Variants in CSMD3 observed in about 807,000 individuals in gnomAD.
CSMD3 encodes the protein CUB and Sushi multiple domains 3.
A neutral mutation model predicts 435.2 loss-of-function variants in CSMD3; 177 were observed. The ratio of observed to expected loss-of-function variants is 0.41; its 90% CI spans 0.36 to 0.46. The LOEUF is 0.46. Ranked by LOEUF, CSMD3 falls within the 20% of genes least tolerant of loss-of-function variation. CSMD3 has a pLI of 0.34. For synonymous variants in CSMD3, 1,656 were observed against 1,520.5 expected (o/e 1.09, Z -2.07); for missense variants, 4,265 against 4,504.6 (o/e 0.95, Z 1.52).
At chr8:112,935,734 T>C (rs1361178736) in intron 9 of CSMD3, among the ~76,000 whole-genome samples, 1 of 152,036 alleles carries the variant, frequency 6.6e-6, no homozygotes, top group African/African-American at 2.4e-5. Context: ...ATGGGGATTT[T>C]TTTTAAGTAT....
intron 13 of CSMD3, among the ~76,000 whole-genome samples, chr8:112,721,223 A>G (rs1413816439): frequency 6.6e-6 from 1 of 152,162 alleles, no homozygotes; most frequent in Admixed American, 6.5e-5. Flanking sequence ...TGGAAAAATC[A>G]CCATGAAAAA....
At chr8:113,218,184 T>A (rs556165390) in intron 3 of CSMD3, among the ~76,000 whole-genome samples, 1 of 150,554 alleles carries the variant, frequency 6.6e-6, no homozygotes, top group African/African-American at 2.4e-5. Flanking sequence ...TTTTTTGTTT[T>A]TTGACATGAG....
intron 32 of CSMD3, among the ~76,000 whole-genome samples, chr8:112,469,318 A>G (rs1211047633): frequency 6.6e-6 from 1 of 152,168 alleles, no homozygotes. Context: ...GCATATGTAA[A>G]ATCATGTAGA....
chr8:112,757,812 G>T (rs1279602345), intron 13 of CSMD3, among the ~76,000 whole-genome samples: 1 of 152,034 alleles, frequency 6.6e-6, no homozygotes, highest in Admixed American at 6.6e-5. Flanking sequence ...CCAACACTTT[G>T]GGAGGCTGAG....
chr8:112,730,016 T>C (rs1378952049), intron 13 of CSMD3, among the ~76,000 whole-genome samples: 1 of 152,132 alleles, frequency 6.6e-6, no homozygotes, highest in Non-Finnish European at 1.5e-5. Context: ...TTGAGCTTTG[T>C]AGTTATAAAT....
intron 38 of CSMD3, among the ~76,000 whole-genome samples, chr8:112,369,318 T>C (rs1046343691): frequency 2.0e-5 from 3 of 152,074 alleles, no homozygotes; most frequent in African/African-American, 4.8e-5. Context: ...ATAAAAAATT[T>C]ACAAAAACCC....
At chr8:112,229,858 G>A (rs973949165) in intron 69 of CSMD3, among the ~76,000 whole-genome samples, 4 of 150,758 alleles carry the variant, frequency 2.7e-5, no homozygotes, top group South Asian at 4.2e-4. Flanking sequence ...GGAATCAGGT[G>A]TAGTTAGAAG....
intron 25 of CSMD3, among the ~76,000 whole-genome samples, chr8:112,555,666 G>A (rs187931618): frequency 6.6e-6 from 1 of 151,982 alleles, no homozygotes; most frequent in East Asian, 1.9e-4. Flanking sequence ...ACCAACAGAG[G>A]TCTCATAGCA....
intron 5 of CSMD3, among the ~76,000 whole-genome samples, chr8:113,072,295 A>G (rs1479813181): frequency 6.6e-6 from 1 of 151,376 alleles, no homozygotes; most frequent in South Asian, 2.1e-4. Context: ...TTTTTTCCTT[A>G]TCTAATTGCT....
chr8:112,516,028 A>G (rs1040463409), intron 28 of CSMD3, among the ~76,000 whole-genome samples: 2 of 152,082 alleles, frequency 1.3e-5, no homozygotes, highest in South Asian at 4.1e-4. Context: ...ATAAATCTGA[A>G]TAATTGATTG....
chr8:112,420,545 G>T (rs1812372069), intron 32 of CSMD3, among the ~76,000 whole-genome samples: 2 of 152,034 alleles, frequency 1.3e-5, no homozygotes, highest in Admixed American at 1.3e-4. Context: ...TTCGATTGAT[G>T]TGTTGCTAAT....
intron 3 of CSMD3, among the ~76,000 whole-genome samples, chr8:113,246,959 G>T (rs1194358770): frequency 6.6e-6 from 1 of 152,206 alleles, no homozygotes; most frequent in Non-Finnish European, 1.5e-5. Flanking sequence ...GTCAGACTCT[G>T]CCTTAGCTTC....
Position 112,335,446 on chromosome 8 carries a change from T to A in CSMD3, c.7048A>T (p.Ile2350Phe), listed in dbSNP as rs1396607679. 2 of 1,614,010 alleles carry A rather than the reference T, an allele frequency of 1.2e-6. No individual in the cohort carries two copies. The highest frequency in any genetic ancestry group is 2.2e-5 in the East Asian group (1 of 44,842). Reference protein sequence around the residue: ...WDGPDQNSPQIGQFSGNTALE... With the variant: ...WDGPDQNSPQFGQFSGNTALE... ...GCGGTATTGCCACTGAACTGACCGATCTGAGGTGAATTTTGGTCTGGTCCA... is the reference window on the plus strand; with the variant it reads ...GCGGTATTGCCACTGAACTGACCGAACTGAGGTGAATTTTGGTCTGGTCCA... Residue 2350 changes from isoleucine (I) to phenylalanine (F), a missense_variant, in exon 45 of 71, where the codon ATC (isoleucine) becomes TTC (phenylalanine). Transcript: ENST00000297405.
At chr8:113,102,238 A>G (rs2090351080) in intron 4 of CSMD3, among the ~76,000 whole-genome samples, 1 of 152,138 alleles carries the variant, frequency 6.6e-6, no homozygotes, top group Non-Finnish European at 1.5e-5. Context: ...ATTCACAGAA[A>G]GTGGGGGGTT....
At chr8:112,904,480 A>G (rs1426991660) in intron 10 of CSMD3, among the ~76,000 whole-genome samples, 1 of 151,474 alleles carries the variant, frequency 6.6e-6, no homozygotes, top group Non-Finnish European at 1.5e-5. Flanking sequence ...AAGCCTTTAG[A>G]TGACTAAGGA....
chr8:113,017,532 A>C (rs2086511686), intron 6 of CSMD3, among the ~76,000 whole-genome samples: 1 of 151,986 alleles, frequency 6.6e-6, no homozygotes, highest in Admixed American at 6.6e-5. Flanking sequence ...TTTGACCAGA[A>C]GATTCCATGA....
chr8:112,523,545 G>T (rs1454553899), intron 27 of CSMD3, among the ~76,000 whole-genome samples: 1 of 151,716 alleles, frequency 6.6e-6, no homozygotes, highest in East Asian at 1.9e-4. Flanking sequence ...TTATATTTTT[G>T]TATTGGCTAA....
rs184460839 is a variant in CSMD3 at position 112,366,843 on chromosome 8, C to T, written c.6136+13509G>A. 2.6e-3 allele frequency among the ~76,000 whole-genome samples: 389 copies of T among 152,266 alleles called. 1 individual carries two copies. The highest frequency in any genetic ancestry group is 4.3e-3 in the Non-Finnish European group (290 of 68,030). ...GACATGGTTAAATTCCCAGGACCCTCCTTAGAGATGGACAAAATGGCTGGT... is the reference window on the plus strand; with the variant it reads ...GACATGGTTAAATTCCCAGGACCCTTCTTAGAGATGGACAAAATGGCTGGT... On this transcript the variant is annotated intron_variant, in intron 38 of 70. Transcript: ENST00000297405.
intron 46 of CSMD3, 75 bp downstream of exon 46, chr8:112,319,826 T>C (rs1396420329): frequency 8.8e-6 from 9 of 1,023,902 alleles, no homozygotes; most frequent in African/African-American, 3.2e-5. Flanking sequence ...ATTACTATTC[T>C]GTATTTTGGC....
Sources: allele counts gnomAD v4.1 joint callset (sites outside exome capture counted in the v4.1 genomes callset), GRCh38; gene constraint gnomAD v4.1.1; transcripts MANE v1.5; gene names NCBI Gene and HGNC (gene_info 2026-07-23, HGNC 2026-07-21).